Variants in THEM4 observed in about 807,000 individuals in gnomAD.
THEM4 encodes the protein thioesterase superfamily member 4.
In THEM4, 22 loss-of-function variants were observed where a neutral mutation model predicts 25.0. The ratio of observed to expected loss-of-function variants is 0.88; its 90% CI spans 0.63 to 1.26. The LOEUF (loss-of-function observed/expected upper bound fraction) is 1.26. Among genes scored for constraint, THEM4 ranks in the 50% most tolerant of loss-of-function variants. The probability of loss-of-function intolerance (pLI) is 0.00; values close to 1 mark genes in which losing one functional copy is unlikely to be tolerated. For missense variants in THEM4, 286 were observed against 300.3 expected (o/e 0.95, Z 0.35); for synonymous variants, 113 against 105.6 (o/e 1.07, Z -0.43).
At chr1:151,891,249 G>A (rs1005671861) in intron 2 of THEM4, 2 of 152,192 alleles carry the variant, frequency 1.3e-5, no homozygotes, top group African/African-American at 4.8e-5. Context: ...GGATAGCACT[G>A]AAAATAGCAT....
At chr1:151,879,602 C>A (rs1306810062) in intron 4 of THEM4, among the ~76,000 whole-genome samples, 1 of 151,514 alleles carries the variant, frequency 6.6e-6, no homozygotes, top group Non-Finnish European at 1.5e-5. Context: ...GTCTAATAAA[C>A]CATACTTGTT....
rs1653734476 is a variant in THEM4 at position 151,878,388 on chromosome 1, T to C, written c.558-1263A>G. Among the ~76,000 whole-genome samples, 3 of 152,204 alleles carry C rather than the reference T, an allele frequency of 2.0e-5. No individual in the cohort carries two copies. In the South Asian group the frequency reaches 6.2e-4, roughly 32 times the overall value. Reference sequence around the variant, plus strand: ...AGCCCTTGGGGCTGGGTTCTTTTTCTCTGAGGCGCTAGGCTTACAAGACAT... The same window carrying C: ...AGCCCTTGGGGCTGGGTTCTTTTTCCCTGAGGCGCTAGGCTTACAAGACAT... On this transcript the variant is annotated intron_variant, in intron 4 of 5. Coordinates refer to ENST00000368814, the MANE Select transcript of THEM4 (RefSeq NM_053055.5).
chr1:151,897,735 C>A (rs983756892), intron 1 of THEM4, among the ~76,000 whole-genome samples: 5 of 152,182 alleles, frequency 3.3e-5, no homozygotes, highest in African/African-American at 1.2e-4. Flanking sequence ...ACTACTCCTG[C>A]AGGACCGGGA....
intron 1 of THEM4, among the ~76,000 whole-genome samples, chr1:151,905,864 C>T (rs1654448651): frequency 6.6e-6 from 1 of 152,220 alleles, no homozygotes; most frequent in South Asian, 2.1e-4. Flanking sequence ...GTCTGGGCAC[C>T]ATAGTGAAGA....
chr1:151,894,406 C>G (rs1654171725), intron 2 of THEM4, among the ~76,000 whole-genome samples: 1 of 152,034 alleles, frequency 6.6e-6, no homozygotes, highest in Non-Finnish European at 1.5e-5. Flanking sequence ...TCAATTGTAA[C>G]AAATACACCA....
chr1:151,879,396 A>AT (rs900634253), intron 4 of THEM4, among the ~76,000 whole-genome samples: 6 of 151,780 alleles, frequency 4.0e-5, no homozygotes, highest in African/African-American at 1.2e-4. Flanking sequence ...TTTACTATAG[A>AT]TTTTTTTTAA....
chr1:151,879,719 C>T (rs1286986460), intron 4 of THEM4, among the ~76,000 whole-genome samples: 4 of 148,718 alleles, frequency 2.7e-5, no homozygotes, highest in African/African-American at 1.0e-4. Context: ...TGCAGTGGCG[C>T]GATCTTGGTT....
intron 4 of THEM4, among the ~76,000 whole-genome samples, chr1:151,879,761 A>G (rs547778637): frequency 4.0e-5 from 6 of 149,886 alleles, no homozygotes; most frequent in Non-Finnish European, 8.9e-5. Flanking sequence ...GGTTCAAGCG[A>G]TTCTCCTGCC....
intron 1 of THEM4, among the ~76,000 whole-genome samples, chr1:151,907,406 C>G (rs1175249622): frequency 6.6e-6 from 1 of 152,198 alleles, no homozygotes; most frequent in Non-Finnish European, 1.5e-5. Context: ...GAATTATGCA[C>G]CTGTCACAAT....
In THEM4 at chr1:151,900,468, T is replaced by C. The variant is rs141915244; in HGVS notation, c.100-5274A>G. ...CTAGCACATAAGGACTCAAATAAAC[T>C]TAAAGGGTGGAAAAAGGCATTTCAT... On this transcript the variant is annotated intron_variant, in intron 1 of 5. Coordinates refer to ENST00000368814, the MANE Select transcript of THEM4 (RefSeq NM_053055.5). Among the ~76,000 whole-genome samples, 748 of 152,000 alleles carry C rather than the reference T, an allele frequency of 4.9e-3. 10 individuals carry two copies. The highest frequency in any genetic ancestry group is 0.017 in the African/African-American group (713 of 41,462).
chr1:151,903,149 T>C (rs568091379), intron 1 of THEM4, among the ~76,000 whole-genome samples: 1 of 152,284 alleles, frequency 6.6e-6, no homozygotes, highest in African/African-American at 2.4e-5. Flanking sequence ...ATATATATTT[T>C]TTAATTGGTT....
intron 1 of THEM4, among the ~76,000 whole-genome samples, chr1:151,898,516 A>G (rs1188417425): frequency 6.6e-6 from 1 of 152,204 alleles, no homozygotes; most frequent in Non-Finnish European, 1.5e-5. Context: ...TGGTAGCAGA[A>G]GACAAAGGGC....
chr1:151,907,323 C>T (rs10888451), intron 1 of THEM4, among the ~76,000 whole-genome samples: 134,860 of 152,226 alleles, frequency 0.89, 59,910 homozygotes, highest in South Asian at 0.93. Flanking sequence ...ACACTCACCA[C>T]GAGGGTCCGT....
chr1:151,888,902 T>A (rs200057316), intron 3 of THEM4, among the ~76,000 whole-genome samples: 1 of 134,098 alleles, frequency 7.5e-6, no homozygotes, highest in Non-Finnish European at 1.6e-5. Flanking sequence ...AAGAAAAAAA[T>A]TTAGGACCCA....
chr1:151,878,146 C>T (rs937645339), intron 4 of THEM4, among the ~76,000 whole-genome samples: 3 of 152,194 alleles, frequency 2.0e-5, no homozygotes, highest in Non-Finnish European at 4.4e-5. Context: ...ACATGACTCT[C>T]TTCATTTATC....
At position 151,892,687 on chromosome 1, in the gene THEM4, G is replaced by A. The variant is rs1162500992; in HGVS notation, c.286+2321C>T. 2.6e-5 allele frequency among the ~76,000 whole-genome samples: 4 copies of A among 152,198 alleles called. No individual in the cohort carries two copies. The East Asian group carries it at 7.7e-4, about 29-fold the overall frequency. On this transcript the variant is annotated intron_variant, in intron 2 of 5. Transcript: ENST00000368814. Reference sequence around the variant, plus strand: ...CATGAGGAAACTGAGGCACAGAAAGGTAAAGTGCCTTGCTCAAAGTTGCAC... The same window carrying A: ...CATGAGGAAACTGAGGCACAGAAAGATAAAGTGCCTTGCTCAAAGTTGCAC...
At chr1:151,887,207 T>C (rs541059852) in intron 4 of THEM4, among the ~76,000 whole-genome samples, 10 of 152,286 alleles carry the variant, frequency 6.6e-5, no homozygotes, top group African/African-American at 2.4e-4. Flanking sequence ...GGCAGGCGGA[T>C]CACTTGAGGC....
At chr1:151,885,699 C>T (rs1653953895) in intron 4 of THEM4, among the ~76,000 whole-genome samples, 1 of 152,254 alleles carries the variant, frequency 6.6e-6, no homozygotes, top group African/African-American at 2.4e-5. Flanking sequence ...GAGATATTTA[C>T]CCTTTCAGCT....
At position 151,872,954 on chromosome 1, in the gene THEM4, A is replaced by AGAGGAAGGCCTCTTGTGGTTGAGAT; in HGVS notation, c.*1909_*1933dup. On this transcript the variant is annotated 3_prime_UTR_variant, in exon 6 of 6. Transcript: ENST00000368814. ...GTCTGTGCTGAGGGGGATTAGTAAA[A>AGAGGAAGGCCTCTTGTGGTTGAGAT]GAGGAAGGCCTCTTGTGGTTGAGAT... Among the ~76,000 whole-genome samples, 1 of 152,078 alleles carries AGAGGAAGGCCTCTTGTGGTTGAGAT rather than the reference A, an allele frequency of 6.6e-6. No homozygotes were observed. Among genetic ancestry groups the AGAGGAAGGCCTCTTGTGGTTGAGAT allele is most frequent in the Non-Finnish European group, 1.5e-5 (1 of 67,990 alleles).
Sources: allele counts gnomAD v4.1 joint callset (sites outside exome capture counted in the v4.1 genomes callset), GRCh38; gene constraint gnomAD v4.1.1; transcripts MANE v1.5; gene names NCBI Gene and HGNC (gene_info 2026-07-23, HGNC 2026-07-21).